The following CYYR1 variants were observed in gnomAD, a reference collection of about 807,000 sequenced individuals.
CYYR1 encodes the protein cysteine and tyrosine rich 1.
In CYYR1, 14 loss-of-function variants were observed where a neutral mutation model predicts 15.2. That is an observed-to-expected ratio of 0.92 (90% confidence interval 0.61 to 1.44). The LOEUF (loss-of-function observed/expected upper bound fraction) is 1.44. Among genes scored for constraint, CYYR1 ranks in the 40% most tolerant of loss-of-function variants. The pLI, the probability that CYYR1 is intolerant of heterozygous loss-of-function variation, is 0.00. For synonymous variants in CYYR1, 80 were observed against 77.4 expected (o/e 1.03, Z -0.18); for missense variants, 228 against 209.5 (o/e 1.09, Z -0.54).
At chr21:26,484,927 T>A (rs555607317) in intron 2 of CYYR1, among the ~76,000 whole-genome samples, 1 of 152,094 alleles carries the variant, frequency 6.6e-6, no homozygotes, top group African/African-American at 2.4e-5. Context: ...GATCCTTTGA[T>A]ACCCATTAGC....
At chr21:26,571,026 C>G (rs748943688) in intron 1 of CYYR1, among the ~76,000 whole-genome samples, 8 of 152,174 alleles carry the variant, frequency 5.3e-5, no homozygotes, top group Non-Finnish European at 8.8e-5. Flanking sequence ...CTCTTTTAAG[C>G]CAGCAGTAAG....
chr21:26,504,641 T>C (rs1206706968), intron 2 of CYYR1, among the ~76,000 whole-genome samples: 1 of 152,212 alleles, frequency 6.6e-6, no homozygotes, highest in African/African-American at 2.4e-5. Flanking sequence ...CAAGCATTTA[T>C]CCTTTCAGTT....
intron 2 of CYYR1, among the ~76,000 whole-genome samples, chr21:26,487,121 A>G (rs980656402): frequency 6.6e-6 from 1 of 152,078 alleles, no homozygotes; most frequent in Non-Finnish European, 1.5e-5. Flanking sequence ...GGAAAATTCT[A>G]GAATATTTTT....
chr21:26,524,369 A>G (rs753404484), intron 2 of CYYR1, among the ~76,000 whole-genome samples: 1 of 152,196 alleles, frequency 6.6e-6, no homozygotes, highest in African/African-American at 2.4e-5. Context: ...AATTTCAAAC[A>G]TTGTTGGATT....
At chr21:26,493,388 A>C (rs2065353919) in intron 2 of CYYR1, among the ~76,000 whole-genome samples, 1 of 152,196 alleles carries the variant, frequency 6.6e-6, no homozygotes, top group African/African-American at 2.4e-5. Context: ...ATCTGGACAA[A>C]AGATGGTAAA....
chr21:26,484,735 C>A (rs1486600804), intron 2 of CYYR1, among the ~76,000 whole-genome samples: 2 of 151,902 alleles, frequency 1.3e-5, no homozygotes, highest in African/African-American at 4.8e-5. Context: ...GTTAAGATAT[C>A]GAATTGGGAC....
intron 2 of CYYR1, among the ~76,000 whole-genome samples, chr21:26,524,941 C>T (rs950667716): frequency 2.0e-5 from 3 of 152,158 alleles, no homozygotes; most frequent in Non-Finnish European, 2.9e-5. Flanking sequence ...TCTGTTCTCA[C>T]AGAGCATGTA....
intron 2 of CYYR1, among the ~76,000 whole-genome samples, chr21:26,556,855 T>A (rs1215276549): frequency 6.6e-6 from 1 of 152,132 alleles, no homozygotes; most frequent in Non-Finnish European, 1.5e-5. Flanking sequence ...GGGATAATGC[T>A]ACGGCAGCAA....
chr21:26,542,277 A>G (rs1481302581), intron 2 of CYYR1, among the ~76,000 whole-genome samples: 66 of 128,352 alleles, frequency 5.1e-4, no homozygotes, highest in African/African-American at 1.8e-3. Flanking sequence ...GAGAGAGAAT[A>G]TGTGTGTGTG....
intron 2 of CYYR1, among the ~76,000 whole-genome samples, chr21:26,530,661 G>A (rs2065920242): frequency 6.6e-6 from 1 of 151,628 alleles, no homozygotes; most frequent in Non-Finnish European, 1.5e-5. Flanking sequence ...CCCTCCCTGT[G>A]CCCATGTGTT....
intron 2 of CYYR1, among the ~76,000 whole-genome samples, chr21:26,500,141 C>T (rs1422819154): frequency 6.6e-6 from 1 of 152,096 alleles, no homozygotes; most frequent in East Asian, 1.9e-4. Flanking sequence ...GGTTCTTCCT[C>T]TTTTTATAAG....
Position 26,539,892 on chromosome 21 carries a change from C to A in CYYR1, c.176+26374G>T, listed in dbSNP as rs1180873527. Among the ~76,000 whole-genome samples, 6 of 152,162 alleles carry A rather than the reference C, an allele frequency of 3.9e-5. No individual in the cohort carries two copies. In the East Asian group the frequency reaches 1.2e-3, roughly 29 times the overall value. On this transcript the variant is annotated intron_variant, in intron 2 of 3. Coordinates refer to ENST00000652641, the MANE Select transcript of CYYR1 (RefSeq NM_001320768.2). ...GAAGCTTTGATGCATTCATAAGTAGCATTTTAATATGTTTGGGTTCGCATC... is the reference window on the plus strand; with the variant it reads ...GAAGCTTTGATGCATTCATAAGTAGAATTTTAATATGTTTGGGTTCGCATC...
chr21:26,543,280 C>G (rs1468624088), intron 2 of CYYR1, among the ~76,000 whole-genome samples: 1 of 152,084 alleles, frequency 6.6e-6, no homozygotes, highest in Non-Finnish European at 1.5e-5. Context: ...AGCAAACCAC[C>G]ATGGCACATG....
In CYYR1 at chr21:26,479,303, A is replaced by G. The variant is rs566710413; in HGVS notation, c.334+969T>C. Among the ~76,000 whole-genome samples the G allele has an allele frequency of 7.4e-3, 1,054 of 142,440 alleles. 7 individuals carry two copies. The highest frequency in any genetic ancestry group is 0.011 in the Non-Finnish European group (723 of 64,438). The allele number at this position is 142,440 out of a possible 152,430, so 93.4% of individuals were successfully genotyped here. A position where few individuals can be genotyped will look rare whatever the true frequency, so the allele number is the denominator to read the frequency against. ...TCCCTCAAGTTGAAGATGATAGAGG[A>G]AAAAAAAAAAAAAGATTGACAGAGG... is the stretch of plus-strand genomic sequence containing the variant. On this transcript the variant is annotated intron_variant, in intron 3 of 3. Transcript: ENST00000652641.
chr21:26,492,953 T>C (rs965343196), intron 2 of CYYR1, among the ~76,000 whole-genome samples: 1 of 151,718 alleles, frequency 6.6e-6, no homozygotes, highest in African/African-American at 2.4e-5. Context: ...TGAGTAGAGA[T>C]TGGTTGTGTG....
intron 2 of CYYR1, among the ~76,000 whole-genome samples, chr21:26,555,464 AGT>A (rs1164368225): frequency 2.6e-5 from 4 of 152,172 alleles, no homozygotes; most frequent in Admixed American, 2.0e-4. Flanking sequence ...TGTTTTTGAC[AGT>A]GTGAGTTGAT....
At chr21:26,530,182 G>A (rs914535693) in intron 2 of CYYR1, among the ~76,000 whole-genome samples, 1 of 152,146 alleles carries the variant, frequency 6.6e-6, no homozygotes, top group Middle Eastern at 3.2e-3. Context: ...ACTGAGTTGA[G>A]AAACTACTTA....
chr21:26,496,041 G>C (rs1294503920), intron 2 of CYYR1, among the ~76,000 whole-genome samples: 1 of 152,178 alleles, frequency 6.6e-6, no homozygotes. Context: ...TGAAGGCTGT[G>C]GTCCTCAACT....
intron 2 of CYYR1, chr21:26,564,837 A>G (rs573174425): frequency 2.5e-6 from 3 of 1,209,176 alleles, no homozygotes; most frequent in East Asian, 1.2e-4. Context: ...TGGTATGTGG[A>G]GACAGTTTGA....
Sources: allele counts gnomAD v4.1 joint callset (sites outside exome capture counted in the v4.1 genomes callset), GRCh38; gene constraint gnomAD v4.1.1; transcripts MANE v1.5; gene names NCBI Gene and HGNC (gene_info 2026-07-23, HGNC 2026-07-21).